ACACB: variants seen among roughly 807,000 people sequenced by gnomAD.
The protein encoded by ACACB is acetyl-CoA carboxylase 2.
In ACACB, 209 loss-of-function variants were observed where a neutral mutation model predicts 278.8. The ratio of observed to expected loss-of-function variants is 0.75; its 90% CI spans 0.67 to 0.84. ACACB has a LOEUF of 0.84. ACACB is among the 40% of genes least tolerant of loss of function. The pLI is 0.00. For missense variants in ACACB, 2,850 were observed against 3,269.0 expected (o/e 0.87, Z 3.13); for synonymous variants, 1,174 against 1,285.6 (o/e 0.91, Z 1.86).
At chr12:109,235,980 C>T (rs1199658963) in intron 33 of ACACB, 2 of 222,716 alleles carry the variant, frequency 9.0e-6, no homozygotes, top group Non-Finnish European at 1.8e-5. Context: ...GCCTGGGTGA[C>T]AGAGTGAGAC....
At position 109,199,876 on chromosome 12, in the gene ACACB, G is replaced by A. The variant is rs945483827; in HGVS notation, c.2778+324G>A. ...AAAATACAAAAAATTAGCCGGGCAT[G>A]GTGGCAGGCGCCTGTAGTCCCAGCT... On this transcript the variant is annotated intron_variant, in intron 18 of 52. Transcript: ENST00000338432. Among the ~76,000 whole-genome samples, 27 of 152,158 alleles carry A rather than the reference G, an allele frequency of 1.8e-4. No individual in the cohort carries two copies. In the South Asian group the frequency reaches 1.9e-3, roughly 11 times the overall value.
intron 1 of ACACB, among the ~76,000 whole-genome samples, chr12:109,137,796 A>T (rs965227551): frequency 5.9e-5 from 9 of 151,946 alleles, no homozygotes; most frequent in African/African-American, 9.7e-5. Flanking sequence ...CCATTTAAAA[A>T]TTTTTTTTGA....
At chr12:109,159,796 T>G (rs1361533013) in intron 2 of ACACB, among the ~76,000 whole-genome samples, 1 of 151,812 alleles carries the variant, frequency 6.6e-6, no homozygotes. Flanking sequence ...TTTCCCCCAG[T>G]TAAGCACTCA....
chr12:109,118,436 CAG>C (rs1239848345), intron 1 of ACACB, among the ~76,000 whole-genome samples: 2 of 133,806 alleles, frequency 1.5e-5, no homozygotes, highest in Non-Finnish European at 3.1e-5. Context: ...TTTTTTGAGA[CAG>C]AGTCTCGTCC....
intron 15 of ACACB, 27 bp downstream of exon 15, chr12:109,191,977 C>A: frequency 6.2e-7 from 1 of 1,610,110 alleles, no homozygotes; most frequent in Non-Finnish European, 8.5e-7. Context: ...TTCCCTTCTG[C>A]TTTTGTGATA....
chr12:109,117,460 T>G (rs2042434553), intron 1 of ACACB, among the ~76,000 whole-genome samples: 1 of 152,132 alleles, frequency 6.6e-6, no homozygotes, highest in Non-Finnish European at 1.5e-5. Flanking sequence ...ATGACTTTCT[T>G]TCAATGTTGA....
intron 40 of ACACB, 108 bp from the exon 41 acceptor site, chr12:109,249,876 C>T (rs1411482619): frequency 7.1e-7 from 1 of 1,416,712 alleles, no homozygotes; most frequent in Non-Finnish European, 9.4e-7. Flanking sequence ...GCTTTGTCTG[C>T]TTCCAATCTC....
At chr12:109,153,841 T>C (rs1319191945) in intron 2 of ACACB, among the ~76,000 whole-genome samples, 2 of 152,100 alleles carry the variant, frequency 1.3e-5, no homozygotes, top group African/African-American at 4.8e-5. Context: ...TTTTGTATTA[T>C]TAGTAGAGAC....
At position 109,246,046 on chromosome 12, in the gene ACACB, C is replaced by T; in HGVS notation, c.5302-133C>T. 4.6e-6 allele frequency: 5 copies of T among 1,088,336 alleles called. No homozygotes were observed. The South Asian group carries it at 7.3e-5, about 16-fold the overall frequency. 67.4% of individuals were successfully genotyped at this position (1,088,336 alleles called of 1,614,324 possible). On this transcript the variant is annotated intron_variant, in intron 38 of 52. Transcript: ENST00000338432. Reference sequence around the variant, plus strand: ...TTGAGGCTGCAATGAGCTGTGATTGCACCACTGCACTCTGGCCTGCGCAAC... The same window carrying T: ...TTGAGGCTGCAATGAGCTGTGATTGTACCACTGCACTCTGGCCTGCGCAAC...
chr12:109,141,245 C>A (rs1010014287), intron 2 of ACACB, among the ~76,000 whole-genome samples: 9 of 152,124 alleles, frequency 5.9e-5, no homozygotes, highest in Non-Finnish European at 1.3e-4. Flanking sequence ...GAAAAACCAG[C>A]CTTCCCCCAG....
rs747236285 is a variant in ACACB, at chr12:109,191,912, C to T, written c.2361C>T (p.Phe787=). 3 of 1,614,140 alleles carry T rather than the reference C, an allele frequency of 1.9e-6. No homozygotes were observed. In the South Asian group the frequency reaches 3.3e-5, roughly 18 times the overall value. ...CCTTGAACGTGGCCGATGCGATGTT[C>T]AGAACGTGCATGACAGATTTCTTAC... The part of the protein sequence containing the change: ...CGALNVADAM[F]RTCMTDFLHS... The change falls in exon 15 of 53, where the codon TTC becomes TTT. Residue 787 remains phenylalanine, a synonymous_variant. Coordinates refer to ENST00000338432, the MANE Select transcript of ACACB (RefSeq NM_001093.4).
chr12:109,172,409 C>A, intron 6 of ACACB, 53 bp downstream of exon 6: 1 of 1,533,898 alleles, frequency 6.5e-7, no homozygotes, highest in Non-Finnish European at 9.0e-7. Flanking sequence ...CTGGGACACT[C>A]TGCTGGGTCT....
chr12:109,262,032 TAGAG>T (rs999276841), intron 48 of ACACB, among the ~76,000 whole-genome samples: 3 of 151,914 alleles, frequency 2.0e-5, no homozygotes, highest in Admixed American at 2.0e-4. Flanking sequence ...TTAGCAAAGT[TAGAG>T]AGGACTGTGG....
At chr12:109,187,972 A>G (rs373709100) in intron 12 of ACACB, 27 bp from the exon 13 acceptor site, 11 of 1,578,338 alleles carry the variant, frequency 7.0e-6, no homozygotes, top group Non-Finnish European at 9.5e-6. Flanking sequence ...GATTTCTTCC[A>G]TTTTGCATTT....
At chr12:109,245,303 A>G (rs183548510) in intron 37 of ACACB, among the ~76,000 whole-genome samples, 22 of 152,296 alleles carry the variant, frequency 1.4e-4, no homozygotes, top group African/African-American at 5.3e-4. Flanking sequence ...TGAAAAAAAA[A>G]GCATGCATAG....
At chr12:109,248,192 T>G (rs1247316050) in intron 40 of ACACB, among the ~76,000 whole-genome samples, 1 of 152,198 alleles carries the variant, frequency 6.6e-6, no homozygotes, top group Non-Finnish European at 1.5e-5. Flanking sequence ...AATTCCATAG[T>G]CAGATGAGTT....
In ACACB at chr12:109,199,189, C is replaced by CA. The variant is rs895607528; in HGVS notation, c.2628-202dup. ...TGGGCAACAGAGCGAGACTCCGTCT[C>CA]AAAAAAAAAAATAAAATAAGAAAGC... is the stretch of plus-strand genomic sequence containing the variant. On this transcript the variant is annotated intron_variant, in intron 17 of 52. Transcript: ENST00000338432. 1.2e-3 allele frequency among the ~76,000 whole-genome samples: 172 copies of CA among 144,160 alleles called. 1 individual carries two copies. Among genetic ancestry groups the CA allele is most frequent in the African/African-American group, 3.7e-3 (147 of 39,436 alleles). 94.6% of individuals were successfully genotyped at this position (144,160 alleles called of 152,430 possible).
At position 109,232,793 on chromosome 12, in the gene ACACB, G is replaced by C; in HGVS notation, c.4126G>C (p.Glu1376Gln). ...MGAMVAFRRFEDFTRNFDEVI... is the reference protein window; with the variant it reads ...MGAMVAFRRFQDFTRNFDEVI... ...AGCCATGGTAGCCTTCAGGAGATTC[G>C]AGGACTTCACCAGGTACCCAGCATG... Residue 1376 changes from glutamate to glutamine, a missense_variant, in exon 29 of 53, where the codon GAG becomes CAG. This residue lies in a region of ACACB where 2,265 missense variants were observed against 2,561.3 expected (regional missense o/e 0.88). Transcript: ENST00000338432. 6.2e-7 allele frequency: 1 copy of C among 1,614,046 alleles called. No homozygotes were observed. Among genetic ancestry groups the C allele is most frequent in the Non-Finnish European group, 8.5e-7 (1 of 1,180,024 alleles).
In ACACB at chr12:109,262,588, A is replaced by G. The variant is rs544692697; in HGVS notation, c.6787+119A>G. 765 of 611,080 alleles carry G rather than the reference A, an allele frequency of 1.3e-3. 3 individuals carry two copies. The highest frequency in any genetic ancestry group is 3.0e-3 in the South Asian group (145 of 48,914). The allele number at this position is 611,080 out of a possible 1,614,324, so 37.9% of individuals were successfully genotyped here. A position where few individuals can be genotyped will look rare whatever the true frequency, so the allele number is the denominator to read the frequency against. ...AAAAATACCAAAATACAGCTATAAT[A>G]ACTGTGAGATTTTTAAAGATATTCA... On this transcript the variant is annotated intron_variant, in intron 49 of 52. Coordinates refer to ENST00000338432, the MANE Select transcript of ACACB (RefSeq NM_001093.4).
Sources: gnomAD v4.1 joint callset for allele counts (sites outside exome capture counted in the v4.1 genomes callset) on GRCh38, gnomAD v4.1.1 for gene constraint, gnomAD v4.1.1 regional missense constraint, MANE v1.5 for transcripts, NCBI Gene and HGNC (gene_info 2026-07-23, HGNC 2026-07-21) for gene names.